HPSE: variants seen among roughly 807,000 people sequenced by gnomAD.
HPSE encodes heparanase.
HPSE carries 48 observed loss-of-function variants against 65.1 expected under a neutral mutation model. That is an observed-to-expected ratio of 0.74 (90% CI 0.58 to 0.94). The LOEUF is 0.94. HPSE is among the 40% of genes least tolerant of loss of function. The probability of loss-of-function intolerance (pLI) is 0.00; values close to 1 mark genes in which losing one functional copy is unlikely to be tolerated. For missense variants in HPSE, 644 were observed against 637.5 expected, an observed-to-expected ratio of 1.01 and a Z score of -0.11; for synonymous variants, 243 against 260.0, an observed-to-expected ratio of 0.93 and a Z score of 0.63.
At chr4:83,318,478 CAAAA>C (rs566223572) in intron 3 of HPSE, among the ~76,000 whole-genome samples, 1 of 151,960 alleles carries the variant, frequency 6.6e-6, no homozygotes, top group African/African-American at 2.4e-5. Flanking sequence ...CTAAAAAATA[CAAAA>C]AATTAGCCGG....
At chr4:83,321,197 AAAAAAACGCCCCCAAAAC>A (rs1736877328) in intron 2 of HPSE, among the ~76,000 whole-genome samples, 1 of 151,996 alleles carries the variant, frequency 6.6e-6, no homozygotes, top group Non-Finnish European at 1.5e-5. Flanking sequence ...GACTCTGTCT[AAAAAAACGCCCCCAAAAC>A]AAAAAACAAA....
chr4:83,310,768 G>C lies in HPSE; in HGVS notation c.796C>G (p.Pro266Ala). 6 of 1,614,114 alleles carry C rather than the reference G, an allele frequency of 3.7e-6. No individual in the cohort carries two copies. Among genetic ancestry groups the C allele is most frequent in the Non-Finnish European group, 5.1e-6 (6 of 1,180,018 alleles). Residue 266 changes from proline (P) to alanine (A), a missense_variant, in exon 5 of 12, where the codon CCT (proline) becomes GCT (alanine). By Grantham distance (27) the Pro-to-Ala change is conservative. Coordinates refer to ENST00000311412, the MANE Select transcript of HPSE (RefSeq NM_001098540.3). ...STFKNAKLYG[P>A]DVGQPRRKTA... The stretch of plus-strand genomic sequence containing the variant: ...TTTCTTCGAGGCTGACCAACATCAG[G>C]ACCATAGAGTTTTGCATTTTTGAAG...
intron 7 of HPSE, 98 bp downstream of exon 7, chr4:83,309,304 A>G (rs1333804609): frequency 1.5e-6 from 1 of 687,472 alleles, no homozygotes; most frequent in Non-Finnish European, 2.5e-6. Context: ...CTAAAATTAG[A>G]AAAACATGTA....
In HPSE at chr4:83,326,933, G is replaced by A. The variant is rs1737179192; in HGVS notation, c.228-4569C>T. Among the ~76,000 whole-genome samples, 1 of 152,254 alleles carries A rather than the reference G, an allele frequency of 6.6e-6. No homozygotes were observed. The highest frequency in any genetic ancestry group is 1.5e-5 in the Non-Finnish European group (1 of 68,012). Reference sequence around the variant, plus strand: ...ATGACGGGCATCTGTGAGTGACCTGGGTCACAGCCTGGTCCTTAGAGGTAC... The same window carrying A: ...ATGACGGGCATCTGTGAGTGACCTGAGTCACAGCCTGGTCCTTAGAGGTAC... On this transcript the variant is annotated intron_variant, in intron 1 of 11. Transcript: ENST00000311412. This position sits in a 1 kb window ranked among gnomAD's most constrained non-coding sequence, Gnocchi z 4.2.
intron 8 of HPSE, among the ~76,000 whole-genome samples, 173 bp downstream of exon 8, chr4:83,308,672 G>T (rs1279382411): frequency 2.0e-5 from 3 of 152,212 alleles, no homozygotes; most frequent in African/African-American, 7.2e-5. Context: ...ACTTGTTAAA[G>T]ATGTCCCTCA....
chr4:83,303,354 G>C (rs1409157166), intron 9 of HPSE, among the ~76,000 whole-genome samples: 1 of 152,170 alleles, frequency 6.6e-6, no homozygotes, highest in Non-Finnish European at 1.5e-5. Flanking sequence ...ATAACTTAAA[G>C]ATGAACAAAC....
At chr4:83,302,112 A>T in intron 10 of HPSE, 38 bp downstream of exon 10, 1 of 1,413,244 alleles carries the variant, frequency 7.1e-7, no homozygotes, top group Non-Finnish European at 1.0e-6. Flanking sequence ...TTACCCACTA[A>T]AACTTGATGA....
At chr4:83,306,971 G>A (rs1011355484) in intron 8 of HPSE, among the ~76,000 whole-genome samples, 4 of 152,052 alleles carry the variant, frequency 2.6e-5, no homozygotes, top group African/African-American at 9.7e-5. Flanking sequence ...ACCCAGACCG[G>A]TAATCTGGCC....
chr4:83,293,553 T>C lies in HPSE; in HGVS notation c.*1791A>G, dbSNP rs1052830001. On this transcript the variant is annotated 3_prime_UTR_variant, in exon 12 of 12. Coordinates refer to ENST00000311412, the MANE Select transcript of HPSE (RefSeq NM_001098540.3). ...TACATTTCCTTATTGCTTAAGCCAT[T>C]TGAATTAGGAGTTTCTGTTACTTGC... 1.3e-5 allele frequency: 2 copies of C among 152,228 alleles called. No individual in the cohort carries two copies. Among genetic ancestry groups the C allele is most frequent in the African/African-American group, 4.8e-5 (2 of 41,448 alleles). 9.4% of individuals were successfully genotyped at this position (152,228 alleles called of 1,614,324 possible).
At chr4:83,310,608 G>T in intron 5 of HPSE, 114 bp downstream of exon 5, 1 of 934,762 alleles carries the variant, frequency 1.1e-6, no homozygotes, top group Non-Finnish European at 1.6e-6. Context: ...GGAGGTCGAA[G>T]TTGCAGTGAG....
Position 83,301,114 on chromosome 4 carries a change from C to T in HPSE, c.1326-8G>A. On this transcript the variant is annotated splice_polypyrimidine_tract_variant and splice_region_variant and intron_variant, in intron 10 of 11. Coordinates refer to ENST00000311412, the MANE Select transcript of HPSE (RefSeq NM_001098540.3). ...CCTTCTTTATACCTTGGACTAAAAG[C>T]AAAGAGGTTAACTTAATAGAAATAT... 6.4e-7 allele frequency: 1 copy of T among 1,550,988 alleles called. No homozygotes were observed. The highest frequency in any genetic ancestry group is 1.2e-5 in the South Asian group (1 of 83,654).
chr4:83,304,058 T>C (rs922354176), intron 9 of HPSE, among the ~76,000 whole-genome samples: 5 of 152,140 alleles, frequency 3.3e-5, no homozygotes. Flanking sequence ...TATTAATACA[T>C]GTATGTTAAC....
At chr4:83,316,997 T>C (rs1736680157) in intron 3 of HPSE, among the ~76,000 whole-genome samples, 1 of 152,158 alleles carries the variant, frequency 6.6e-6, no homozygotes, top group Non-Finnish European at 1.5e-5. Context: ...GCCTCCCAGA[T>C]TCAAGTAATT....
intron 10 of HPSE, 51 bp downstream of exon 10, chr4:83,302,099 G>A (rs369252902): frequency 4.1e-6 from 5 of 1,226,464 alleles, no homozygotes; most frequent in Non-Finnish European, 6.0e-6. Context: ...TAAAGTTACA[G>A]GCTTACCCAC....
In HPSE at chr4:83,301,077, A is replaced by C; in HGVS notation, c.1355T>G (p.Leu452Arg). The C allele has an allele frequency of 6.2e-7, 1 of 1,603,572 alleles. No individual in the cohort carries two copies. The highest frequency in any genetic ancestry group is 8.5e-7 in the Non-Finnish European group (1 of 1,174,480). ...GACATTATGGAGGTTTATGGCATACAGAGTTAAATCTCCTTCTTTATACCT... is the reference window on the plus strand; with the variant it reads ...GACATTATGGAGGTTTATGGCATACCGAGTTAAATCTCCTTCTTTATACCT... ...NPRYKEGDLT[L>R]YAINLHNVTK... Residue 452 changes from leucine (L) to arginine (R), a missense_variant, in exon 11 of 12, where the codon CTG becomes CGG. Coordinates refer to ENST00000311412, the MANE Select transcript of HPSE (RefSeq NM_001098540.3).
chr4:83,328,368 C>T (rs1296808832), intron 1 of HPSE, among the ~76,000 whole-genome samples: 3 of 152,088 alleles, frequency 2.0e-5, no homozygotes, highest in African/African-American at 7.2e-5. Context: ...TGTCTGTCTC[C>T]AAATTTCTCC....
intron 9 of HPSE, among the ~76,000 whole-genome samples, chr4:83,304,671 T>TAATA (rs1442920010): frequency 6.6e-6 from 1 of 152,048 alleles, no homozygotes; most frequent in South Asian, 2.1e-4. Context: ...ATTTTTAAAA[T>TAATA]AATAAATAAA....
At chr4:83,320,029 A>C (rs1736823502) in intron 2 of HPSE, among the ~76,000 whole-genome samples, 2 of 7,760 alleles carry the variant, frequency 2.6e-4, no homozygotes, top group South Asian at 6.2e-3. Context: ...GACACTGTCT[A>C]AAAAAAAAAA....
intron 1 of HPSE, among the ~76,000 whole-genome samples, chr4:83,324,861 CAAT>C (rs1737079779): frequency 6.6e-6 from 1 of 152,112 alleles, no homozygotes; most frequent in South Asian, 2.1e-4. Context: ...ATTTGCACAA[CAAT>C]GTGAGTGTGG....
Sources: gnomAD v4.1 joint callset for allele counts (sites outside exome capture counted in the v4.1 genomes callset) on GRCh38, gnomAD v4.1.1 for gene constraint, Gnocchi (gnomAD v3.1) non-coding constraint, MANE v1.5 for transcripts, NCBI Gene and HGNC (gene_info 2026-07-23, HGNC 2026-07-21) for gene names.